Variants in TNRC6A observed in about 807,000 individuals in gnomAD.
The protein encoded by TNRC6A is trinucleotide repeat containing adaptor 6A.
TNRC6A carries 44 observed loss-of-function variants against 221.2 expected under a neutral mutation model. The ratio of observed to expected loss-of-function variants is 0.20; its 90% confidence interval spans 0.16 to 0.26. TNRC6A has a LOEUF of 0.26. Among genes scored for constraint, TNRC6A ranks in the 10% least tolerant of loss-of-function variants. TNRC6A has a pLI of 1.00. For missense variants in TNRC6A, 2,199 were observed against 2,404.4 expected, an observed-to-expected ratio of 0.91 and a Z score of 1.79; for synonymous variants, 847 against 838.5, an observed-to-expected ratio of 1.01 and a Z score of -0.18.
intron 18 of TNRC6A, 74 bp downstream of exon 18, chr16:24,809,555 T>C: frequency 7.3e-7 from 1 of 1,377,584 alleles, no homozygotes; most frequent in Non-Finnish European, 9.5e-7. Context: ...TAGGCCTTTA[T>C]TTTATTTTAA....
chr16:24,762,182 AT>A (rs1249982593), intron 4 of TNRC6A, among the ~76,000 whole-genome samples: 4 of 152,228 alleles, frequency 2.6e-5, no homozygotes, highest in Non-Finnish European at 5.9e-5. Context: ...TTCTGGGTTA[AT>A]TAAAAACTCA....
chr16:24,776,622 T>G (rs2057722998), intron 4 of TNRC6A: 16 of 985,364 alleles, frequency 1.6e-5, no homozygotes, highest in South Asian at 4.7e-5. Flanking sequence ...TTCCCTGGTT[T>G]TGTAATGATC....
chr16:24,648,661 C>T (rs891057966), intron 2 of TNRC6A, among the ~76,000 whole-genome samples: 3 of 152,072 alleles, frequency 2.0e-5, no homozygotes, highest in Non-Finnish European at 4.4e-5. Flanking sequence ...TTTCCTGTGC[C>T]GTTTTGTTTT....
chr16:24,696,204 TG>T (rs2055855694), intron 2 of TNRC6A, among the ~76,000 whole-genome samples: 1 of 151,660 alleles, frequency 6.6e-6, no homozygotes, highest in Admixed American at 6.6e-5. Flanking sequence ...AAAAATTAGC[TG>T]GGCGTGGTGG....
intron 1 of TNRC6A, among the ~76,000 whole-genome samples, chr16:24,614,410 T>C (rs1596534911): frequency 1.3e-5 from 2 of 152,346 alleles, no homozygotes; most frequent in East Asian, 1.9e-4. Context: ...AAAAGGCTAA[T>C]AAGCTGGACA....
chr16:24,701,892 C>G (rs981354327), intron 2 of TNRC6A, among the ~76,000 whole-genome samples: 1 of 152,046 alleles, frequency 6.6e-6, no homozygotes, highest in African/African-American at 2.4e-5. Flanking sequence ...TCCACATGGA[C>G]TTTGGAGTCC....
chr16:24,797,458 T>C (rs1171810621), intron 9 of TNRC6A, 32 bp from the exon 10 acceptor site: 1 of 1,532,708 alleles, frequency 6.5e-7, no homozygotes, highest in Non-Finnish European at 9.0e-7. Flanking sequence ...GAGATGGCCA[T>C]GGCATCTTTT....
At chr16:24,780,297 A>G (rs2057813570) in intron 5 of TNRC6A, among the ~76,000 whole-genome samples, 1 of 152,182 alleles carries the variant, frequency 6.6e-6, no homozygotes, top group Admixed American at 6.5e-5. Context: ...GCATGTGCAC[A>G]TTATTGTTGA....
intron 1 of TNRC6A, among the ~76,000 whole-genome samples, chr16:24,616,785 T>C (rs538347861): frequency 6.6e-6 from 1 of 151,880 alleles, no homozygotes; most frequent in East Asian, 1.9e-4. Flanking sequence ...ATGCAAAAAA[T>C]TAGCTGGACA....
At position 24,777,032 on chromosome 16, in the gene TNRC6A, C is replaced by T. The variant is rs767818109; in HGVS notation, c.263C>T (p.Ala88Val). 2.5e-6 allele frequency: 4 copies of T among 1,613,934 alleles called. No individual in the cohort carries two copies. The African/African-American group carries it at 4.0e-5, about 16-fold the overall frequency. Residue 88 changes from alanine to valine, a missense_variant, in exon 5 of 25, where the codon GCT (alanine) becomes GTT (valine). By Grantham distance (64) the Ala-to-Val change is moderately conservative. Around this residue, in one of 8 missense-constraint regions of TNRC6A, gnomAD observed 1,405 missense variants for 1,400.2 expected, o/e 1.00. Transcript: ENST00000395799. ...AGCACTAATAATAATGCCAAGCGAG[C>T]TACAGCCAACAATCAGCAGCCACAG... ...ATSTNNNAKR[A>V]TANNQQPQQQ...
At chr16:24,643,592 G>C (rs1431950363) in intron 2 of TNRC6A, among the ~76,000 whole-genome samples, 1 of 152,036 alleles carries the variant, frequency 6.6e-6, no homozygotes, top group Non-Finnish European at 1.5e-5. Context: ...CTGTTCGGAG[G>C]CTAACCTAAC....
chr16:24,797,842 A>C, intron 10 of TNRC6A, 73 bp from the exon 11 acceptor site: 1 of 1,362,154 alleles, frequency 7.3e-7, no homozygotes, highest in South Asian at 1.4e-5. Flanking sequence ...GAAACACAGT[A>C]AAATTCTTCA....
chr16:24,698,689 T>C (rs1385392838), intron 2 of TNRC6A, among the ~76,000 whole-genome samples: 5 of 152,218 alleles, frequency 3.3e-5, no homozygotes, highest in Non-Finnish European at 7.4e-5. Flanking sequence ...TTCCTTGAGG[T>C]TTCCCTAGGG....
Position 24,790,152 on chromosome 16 carries a change from C to T in TNRC6A, c.1510C>T (p.Leu504Phe). 1 of 1,614,218 alleles carries T rather than the reference C, an allele frequency of 6.2e-7. No individual in the cohort carries two copies. The highest frequency in any genetic ancestry group is 1.3e-5 in the African/African-American group (1 of 75,058). ...TCCATCAGGTATGAATGGCACTTCC[C>T]TTTCTCACCTTAGCAATGGAGAGTC... ...QAPSGMNGTSLSHLSNGESKS... is the reference protein window; with the variant it reads ...QAPSGMNGTSFSHLSNGESKS... The change falls in exon 6 of 25, where the codon CTT becomes TTT. Residue 504 changes from leucine (L) to phenylalanine (F), a missense_variant. By Grantham distance (22) the Leu-to-Phe change is conservative. This residue lies in a region of TNRC6A where 1,405 missense variants were observed against 1,400.2 expected (regional missense o/e 1.00). Transcript: ENST00000395799.
At chr16:24,674,691 C>T (rs947087916) in intron 2 of TNRC6A, among the ~76,000 whole-genome samples, 6 of 110,182 alleles carry the variant, frequency 5.4e-5, no homozygotes, top group East Asian at 6.3e-4. Flanking sequence ...AACACTGCCC[C>T]CACCACACAC....
chr16:24,612,001 C>G (rs1160002278), intron 1 of TNRC6A, among the ~76,000 whole-genome samples: 2 of 151,988 alleles, frequency 1.3e-5, no homozygotes, highest in Non-Finnish European at 2.9e-5. Flanking sequence ...GGCTGAGGCA[C>G]GAGAATCGCT....
intron 1 of TNRC6A, among the ~76,000 whole-genome samples, chr16:24,628,953 C>T (rs1373115987): frequency 1.3e-5 from 2 of 152,116 alleles, no homozygotes; most frequent in South Asian, 4.1e-4. Context: ...ACAGCTATAA[C>T]TTTAGCACCT....
intron 2 of TNRC6A, among the ~76,000 whole-genome samples, chr16:24,684,778 C>T (rs1277669065): frequency 6.6e-6 from 1 of 152,164 alleles, no homozygotes; most frequent in African/African-American, 2.4e-5. Context: ...TGCACTCCAG[C>T]CTGGGCAACA....
rs1185563321 is a variant in TNRC6A, at chr16:24,713,435, AACAAACAAACAAACAAAAAAAT to A, written n.403-37289_403-37268del. Among the ~76,000 whole-genome samples, 10 of 131,118 alleles carry A rather than the reference AACAAACAAACAAACAAAAAAAT, an allele frequency of 7.6e-5. No individual in the cohort carries two copies. The East Asian group carries it at 2.3e-3, about 30-fold the overall frequency. 86.0% of individuals were successfully genotyped at this position (131,118 alleles called of 152,430 possible). ...TCTGTCTAAAACAAACAAACAAACA[AACAAACAAACAAACAAAAAAAT>A]ATATATATATATATGTTACCTTTTT... On this transcript the variant is annotated intron_variant and non_coding_transcript_variant, in intron 2 of 2. Coordinates refer to the TNRC6A transcript ENST00000566108.
Sources: gnomAD v4.1 joint callset for allele counts (sites outside exome capture counted in the v4.1 genomes callset) on GRCh38, gnomAD v4.1.1 for gene constraint, gnomAD v4.1.1 regional missense constraint, MANE v1.5 for transcripts, NCBI Gene and HGNC (gene_info 2026-07-23, HGNC 2026-07-21) for gene names.